Variants in ELFN2 observed in about 807,000 individuals in gnomAD.
ELFN2 encodes the protein extracellular leucine rich repeat and fibronectin type III domain containing 2.
In ELFN2, 17 loss-of-function variants were observed where a neutral mutation model predicts 45.5. The observed-to-expected ratio is 0.37, with a 90% CI of 0.26 to 0.56. The LOEUF (loss-of-function observed/expected upper bound fraction) is 0.56, where lower values mean the gene tolerates loss of function less well. Among genes scored for constraint, ELFN2 ranks in the 20% least tolerant of loss-of-function variants. The probability of loss-of-function intolerance (pLI) is 0.77; values close to 1 mark genes in which losing one functional copy is unlikely to be tolerated. For missense variants in ELFN2, 922 were observed against 1,183.2 expected (o/e 0.78, Z 3.24); for synonymous variants, 550 against 551.5 (o/e 1.00, Z 0.04).
intron 2 of ELFN2, among the ~76,000 whole-genome samples, chr22:37,405,663 C>T (rs530275572): frequency 1.3e-5 from 2 of 152,252 alleles, no homozygotes; most frequent in East Asian, 1.9e-4. Context: ...CTGACCACCA[C>T]GTGATCGCAG....
intron 2 of ELFN2, among the ~76,000 whole-genome samples, chr22:37,388,788 C>T (rs557442715): frequency 1.1e-4 from 17 of 152,330 alleles, no homozygotes; most frequent in Admixed American, 2.0e-4. Context: ...GAAGGAGCCC[C>T]GCCTCACTCT....
intron 2 of ELFN2, among the ~76,000 whole-genome samples, chr22:37,394,618 G>T (rs1932165278): frequency 6.6e-6 from 1 of 152,216 alleles, no homozygotes; most frequent in Non-Finnish European, 1.5e-5. Flanking sequence ...CACACAGTAG[G>T]CAGAGCGATC....
intron 2 of ELFN2, among the ~76,000 whole-genome samples, chr22:37,381,449 A>G (rs1022460178): frequency 6.6e-6 from 1 of 151,888 alleles, no homozygotes; most frequent in Non-Finnish European, 1.5e-5. Context: ...TCCCCACCCC[A>G]GGACCTTTGC....
downstream of ELFN2, among the ~76,000 whole-genome samples, chr22:37,365,461 G>A (rs866703686): frequency 6.6e-6 from 1 of 152,158 alleles, no homozygotes; most frequent in South Asian, 2.1e-4. Context: ...GCCCTGCTGC[G>A]GGGAAGAACA....
chr22:37,405,813 T>A (rs1230998970), intron 2 of ELFN2, among the ~76,000 whole-genome samples: 1 of 144,000 alleles, frequency 6.9e-6, no homozygotes, highest in African/African-American at 2.7e-5. Flanking sequence ...CCCAGGTTCC[T>A]CCCTTTAGGA....
chr22:37,368,266 G>T lies in ELFN2; in HGVS notation c.*4806C>A, dbSNP rs1210993639. ...GGTGCCCAACCACAGCCAACTTGGGGACTGGCGGCTCCTGAGGAAGGGAGG... is the reference window on the plus strand; with the variant it reads ...GGTGCCCAACCACAGCCAACTTGGGTACTGGCGGCTCCTGAGGAAGGGAGG... On this transcript the variant is annotated 3_prime_UTR_variant, in exon 3 of 3. Coordinates refer to ENST00000402918, the MANE Select transcript of ELFN2 (RefSeq NM_052906.5). 6.6e-6 allele frequency: 1 copy of T among 152,214 alleles called. No individual in the cohort carries two copies. The highest frequency in any genetic ancestry group is 1.9e-4 in the East Asian group (1 of 5,178). 9.4% of individuals were successfully genotyped at this position (152,214 alleles called of 1,614,324 possible).
chr22:37,359,452 G>C (rs1052288978), intron 1 of ELFN2, among the ~76,000 whole-genome samples: 1 of 152,150 alleles, frequency 6.6e-6, no homozygotes, highest in African/African-American at 2.4e-5. Context: ...GCCCTCTATG[G>C]GGTCTATTTC....
At chr22:37,386,910 G>C (rs948266522) in intron 2 of ELFN2, among the ~76,000 whole-genome samples, 1 of 152,214 alleles carries the variant, frequency 6.6e-6, no homozygotes, top group East Asian at 1.9e-4. Context: ...CCTGGGTCTC[G>C]GTTTCCTCTT....
rs1221780541 is a variant in ELFN2 at position 37,374,593 on chromosome 22, G to C, written c.942C>G (p.Ile314Met). Residue 314 changes from isoleucine to methionine, a missense_variant, in exon 3 of 3, where the codon ATC becomes ATG. By Grantham distance (10) the Ile-to-Met change is conservative. This residue lies in a region of ELFN2 where 358 missense variants were observed against 540.4 expected (regional missense o/e 0.66). Transcript: ENST00000402918. ...VTFTSATLVV[I>M]IPHPYSKMYI... is the part of the protein sequence containing the mutation. ...ACATCTTGCTGTAGGGGTGTGGGATGATGACCACCAGGGTGGCCGAGGTGA... is the reference window on the plus strand; with the variant it reads ...ACATCTTGCTGTAGGGGTGTGGGATCATGACCACCAGGGTGGCCGAGGTGA... 15 of 1,614,128 alleles carry C rather than the reference G, an allele frequency of 9.3e-6. No homozygotes were observed. The highest frequency in any genetic ancestry group is 4.0e-5 in the African/African-American group (3 of 74,948).
At chr22:37,388,024 C>T (rs1300628477) in intron 2 of ELFN2, among the ~76,000 whole-genome samples, 1 of 151,904 alleles carries the variant, frequency 6.6e-6, no homozygotes, top group Non-Finnish European at 1.5e-5. Context: ...CCCCACCTGC[C>T]CCTAGTCCCG....
At chr22:37,392,398 A>G (rs1601757385) in intron 2 of ELFN2, among the ~76,000 whole-genome samples, 1 of 149,808 alleles carries the variant, frequency 6.7e-6, no homozygotes, top group South Asian at 2.1e-4. Flanking sequence ...GCTCGCTGCA[A>G]CCTCCGCCTC....
intron 1 of ELFN2, among the ~76,000 whole-genome samples, chr22:37,421,557 C>G (rs567510917): frequency 1.3e-5 from 2 of 152,136 alleles, no homozygotes; most frequent in Admixed American, 1.3e-4. Context: ...CAGAGGTTCC[C>G]GTGTCTCACC....
intron 1 of ELFN2, among the ~76,000 whole-genome samples, chr22:37,351,663 G>A (rs564698948): frequency 2.0e-5 from 3 of 150,310 alleles, no homozygotes; most frequent in South Asian, 4.2e-4. Flanking sequence ...AGACCTGCGT[G>A]CTGGCCAGGC....
At chr22:37,382,736 G>A (rs879496051) in intron 2 of ELFN2, among the ~76,000 whole-genome samples, 3 of 152,042 alleles carry the variant, frequency 2.0e-5, no homozygotes, top group Non-Finnish European at 4.4e-5. Context: ...ATTTTTGGTA[G>A]AGATGGGGTT....
chr22:37,393,746 A>T lies in ELFN2; in HGVS notation c.-462-17750T>A, dbSNP rs144523095. Among the ~76,000 whole-genome samples the T allele has an allele frequency of 1.6e-4, 24 of 152,186 alleles. No homozygotes were observed. The South Asian group carries it at 2.9e-3, about 18-fold the overall frequency. Reference sequence around the variant, plus strand: ...GACTCGGGGTCCCCAGAGCGTCCCCATCACATGTGCCAACAGGAGGCCCCA... The same window carrying T: ...GACTCGGGGTCCCCAGAGCGTCCCCTTCACATGTGCCAACAGGAGGCCCCA... On this transcript the variant is annotated intron_variant, in intron 2 of 2. Transcript: ENST00000402918.
chr22:37,372,981 C>T lies in ELFN2; in HGVS notation c.*91G>A, dbSNP rs1746087842. On this transcript the variant is annotated 3_prime_UTR_variant, in exon 3 of 3. Transcript: ENST00000402918. This position sits in a 1 kb window ranked among gnomAD's most constrained non-coding sequence, Gnocchi z 4.4. ...GCGTCCTCTCCTGGGCCTTGGCCCC[C>T]GAGTCTGCTCCCCGCCCTGGCCGCC... The T allele has an allele frequency of 7.6e-6, 11 of 1,440,958 alleles. No homozygotes were observed. Among genetic ancestry groups the T allele is most frequent in the South Asian group, 2.8e-5 (2 of 71,366 alleles). 89.3% of individuals were successfully genotyped at this position (1,440,958 alleles called of 1,614,324 possible).
At chr22:37,383,634 G>T (rs1931850780) in intron 2 of ELFN2, among the ~76,000 whole-genome samples, 2 of 152,254 alleles carry the variant, frequency 1.3e-5, no homozygotes, top group Non-Finnish European at 2.9e-5. Context: ...TGGGCTGGGT[G>T]AGGCATGCTG....
chr22:37,363,019 C>T (rs1304101758), downstream of ELFN2, among the ~76,000 whole-genome samples: 1 of 152,146 alleles, frequency 6.6e-6, no homozygotes, highest in African/African-American at 2.4e-5. Flanking sequence ...CAGCCCAGGG[C>T]CCCCCGAGGT....
chr22:37,388,933 G>A (rs866182079), intron 2 of ELFN2, among the ~76,000 whole-genome samples: 43 of 152,226 alleles, frequency 2.8e-4, no homozygotes, highest in African/African-American at 6.3e-4. Flanking sequence ...CCGGGGCTTC[G>A]TGGGGGGCGT....
Sources: gnomAD v4.1 joint callset for allele counts (sites outside exome capture counted in the v4.1 genomes callset) on GRCh38, gnomAD v4.1.1 for gene constraint, gnomAD v4.1.1 regional missense constraint, Gnocchi (gnomAD v3.1) non-coding constraint, MANE v1.5 for transcripts, NCBI Gene and HGNC (gene_info 2026-07-23, HGNC 2026-07-21) for gene names.